Variants in ABCD3 observed in about 807,000 individuals in gnomAD.
ABCD3 encodes the protein ATP binding cassette subfamily D member 3.
ABCD3 carries 41 observed loss-of-function variants against 105.5 expected under a neutral mutation model. The observed-to-expected ratio is 0.39, with a 90% CI of 0.30 to 0.50. The LOEUF (loss-of-function observed/expected upper bound fraction) is 0.50. Ranked by LOEUF, ABCD3 falls within the 20% of genes least tolerant of loss-of-function variation. The probability of loss-of-function intolerance (pLI) is 0.84; values close to 1 mark genes in which losing one functional copy is unlikely to be tolerated. For missense variants in ABCD3, 622 were observed against 806.3 expected (o/e 0.77, Z 2.77); for synonymous variants, 258 against 269.0 (o/e 0.96, Z 0.40).
intron 21 of ABCD3, chr1:94,513,613 C>T (rs1003459274): frequency 6.6e-6 from 1 of 151,992 alleles, no homozygotes; most frequent in African/African-American, 2.4e-5. Flanking sequence ...ACCTATGATA[C>T]CGTTTAGATG....
chr1:94,407,540 AT>A, the ABCD3 span, among the ~76,000 whole-genome samples: 2 of 152,262 alleles, frequency 1.3e-5, no homozygotes, highest in East Asian at 3.9e-4. Flanking sequence ...ATTCCTAAAT[AT>A]TTTATCTTTT....
intron 1 of ABCD3, among the ~76,000 whole-genome samples, chr1:94,420,924 T>A (rs1350238963): frequency 6.6e-6 from 1 of 152,168 alleles, no homozygotes; most frequent in Non-Finnish European, 1.5e-5. Flanking sequence ...TAGAATTGGA[T>A]AGGTAATAGA....
At chr1:94,446,431 A>C (rs1231903795) in intron 1 of ABCD3, among the ~76,000 whole-genome samples, 2 of 152,234 alleles carry the variant, frequency 1.3e-5, no homozygotes, top group Non-Finnish European at 2.9e-5. Flanking sequence ...GTACAAATAC[A>C]TACAGGAGTC....
intron 8 of ABCD3, chr1:94,480,180 A>G (rs761953263): frequency 2.1e-4 from 95 of 453,494 alleles, no homozygotes; most frequent in Non-Finnish European, 3.6e-4. Flanking sequence ...AGAGTGTTAG[A>G]TAACATAGAA....
intron 7 of ABCD3, among the ~76,000 whole-genome samples, chr1:94,477,350 G>A (rs905195608): frequency 6.6e-5 from 10 of 151,720 alleles, no homozygotes; most frequent in Non-Finnish European, 1.3e-4. Context: ...GCTGTTGGCC[G>A]GGCATAGTGG....
In ABCD3 at chr1:94,418,818, ATTC is replaced by A. The variant is rs1355796808; in HGVS notation, c.110+235_110+237del. On this transcript the variant is annotated intron_variant, in intron 1 of 22. Transcript: ENST00000370214. The stretch of plus-strand genomic sequence containing the variant: ...ACCTCGCTCCACCCCGGGAGTGCGA[ATTC>A]TTCTGTGCCCGCGGGCGAACCGGCG... 1.0e-4 allele frequency: 59 copies of A among 566,920 alleles called. No homozygotes were observed. In the East Asian group the frequency reaches 1.6e-3, roughly 15 times the overall value. The allele number at this position is 566,920 out of a possible 1,614,324, so 35.1% of individuals were successfully genotyped here.
At chr1:94,461,159 C>A (rs185648269) in intron 2 of ABCD3, among the ~76,000 whole-genome samples, 1 of 152,136 alleles carries the variant, frequency 6.6e-6, no homozygotes, top group East Asian at 1.9e-4. Flanking sequence ...GGATATGTAA[C>A]AAAGGCAGTA....
chr1:94,406,773 C>T, the ABCD3 span: 3 of 153,326 alleles, frequency 2.0e-5, no homozygotes, highest in African/African-American at 7.2e-5. Flanking sequence ...TATGACTTAA[C>T]TTTTCTGATA....
At chr1:94,445,448 T>G (rs886754043) in intron 1 of ABCD3, among the ~76,000 whole-genome samples, 1 of 152,168 alleles carries the variant, frequency 6.6e-6, no homozygotes, top group Non-Finnish European at 1.5e-5. Flanking sequence ...CAGGGTAACA[T>G]TGGGACAAGT....
chr1:94,482,766 T>C, intron 9 of ABCD3: 1 of 192,102 alleles, frequency 5.2e-6, no homozygotes, highest in Non-Finnish European at 1.1e-5. Flanking sequence ...ACTATCCATC[T>C]TTTTCTAGCT....
chr1:94,514,322 T>TGA (rs947971328), intron 21 of ABCD3: 2 of 152,020 alleles, frequency 1.3e-5, no homozygotes, highest in Non-Finnish European at 2.9e-5. Context: ...CTTTCAGTTG[T>TGA]GAAAATAAAA....
intron 15 of ABCD3, among the ~76,000 whole-genome samples, chr1:94,490,730 T>C (rs750034642): frequency 1.5e-4 from 23 of 152,072 alleles, no homozygotes; most frequent in Non-Finnish European, 3.2e-4. Context: ...GGAGTGAACA[T>C]GGGAGGAAGA....
chr1:94,424,943 A>G (rs1157920503), intron 1 of ABCD3, among the ~76,000 whole-genome samples: 1 of 152,240 alleles, frequency 6.6e-6, no homozygotes, highest in Non-Finnish European at 1.5e-5. Flanking sequence ...AATATATAGT[A>G]GACACTCATA....
chr1:94,409,312 T>C, the ABCD3 span, among the ~76,000 whole-genome samples: 3 of 152,346 alleles, frequency 2.0e-5, no homozygotes, highest in South Asian at 6.2e-4. Context: ...CATGCTTGTA[T>C]CAAAATATCT....
At chr1:94,451,095 G>A (rs987860160) in intron 1 of ABCD3, among the ~76,000 whole-genome samples, 33 of 152,004 alleles carry the variant, frequency 2.2e-4, no homozygotes, top group Non-Finnish European at 4.3e-4. Context: ...TCAGATCAAT[G>A]TTACTTTTTG....
intron 1 of ABCD3, among the ~76,000 whole-genome samples, chr1:94,431,097 T>A (rs1210691825): frequency 6.6e-6 from 1 of 152,264 alleles, no homozygotes; most frequent in Admixed American, 6.5e-5. Flanking sequence ...TTACTATGCA[T>A]ACTTTTATCT....
intron 8 of ABCD3, 198 bp downstream of exon 8, chr1:94,478,513 C>G: frequency 1.3e-6 from 2 of 1,561,402 alleles, no homozygotes; most frequent in Non-Finnish European, 1.8e-6. Context: ...TTTTAATTTT[C>G]CTTAAATTAG....
At position 94,475,231 on chromosome 1, in the gene ABCD3, A is replaced by G; in HGVS notation, c.494A>G (p.Glu165Gly). The change falls in exon 6 of 23, where the codon GAG (glutamate) becomes GGG (glycine). Residue 165 changes from glutamate to glycine, a missense_variant. Around this residue, in one of 4 missense-constraint regions of ABCD3, gnomAD observed 245 missense variants for 356.4 expected, o/e 0.69. Transcript: ENST00000370214. Reference protein sequence around the residue: ...RVRLTKYLYEEYLQAFTYYKM... With the variant: ...RVRLTKYLYEGYLQAFTYYKM... Reference sequence around the variant, plus strand: ...AGGCTCACTAAATACCTCTATGAGGAGTATCTTCAGTAAGTGATAACCTAT... The same window carrying G: ...AGGCTCACTAAATACCTCTATGAGGGGTATCTTCAGTAAGTGATAACCTAT... The G allele has an allele frequency of 3.8e-6, 6 of 1,570,650 alleles. No homozygotes were observed. Among genetic ancestry groups the G allele is most frequent in the Non-Finnish European group, 4.4e-6 (5 of 1,148,688 alleles).
intron 15 of ABCD3, 90 bp downstream of exon 15, chr1:94,490,065 T>A: frequency 2.4e-6 from 3 of 1,230,052 alleles, no homozygotes; most frequent in Non-Finnish European, 3.6e-6. Flanking sequence ...GCTTAGTGTT[T>A]AAAATTATTT....
Sources: allele counts gnomAD v4.1 joint callset (sites outside exome capture counted in the v4.1 genomes callset), GRCh38; gene constraint gnomAD v4.1.1; regional missense constraint gnomAD v4.1.1; transcripts MANE v1.5; gene names NCBI Gene and HGNC (gene_info 2026-07-23, HGNC 2026-07-21).